The following PSPC1 variants were observed in gnomAD, a reference collection of about 807,000 sequenced individuals.
PSPC1 encodes the protein paraspeckle protein 1.
In PSPC1, 14 loss-of-function variants were observed where a neutral mutation model predicts 51.6. The observed-to-expected ratio is 0.27, with a 90% CI of 0.18 to 0.42. The LOEUF (loss-of-function observed/expected upper bound fraction) is 0.42. Ranked by LOEUF, PSPC1 falls within the 10% of genes least tolerant of loss-of-function variation. The pLI, the probability that PSPC1 is intolerant of heterozygous loss-of-function variation, is 1.00. For missense variants in PSPC1, 406 were observed against 701.1 expected (o/e 0.58, Z 4.75); for synonymous variants, 193 against 231.9 (o/e 0.83, Z 1.53).
chr13:19,776,326 T>TGTGGTG, intron 1 of PSPC1, among the ~76,000 whole-genome samples: 1 of 151,812 alleles, frequency 6.6e-6, no homozygotes, highest in East Asian at 1.9e-4. Flanking sequence ...ATTAGCTGGG[T>TGTGGTG]GTGGTGGTGT....
chr13:19,779,824 C>T (rs1889702898), intron 1 of PSPC1, among the ~76,000 whole-genome samples: 1 of 89,818 alleles, frequency 1.1e-5, no homozygotes, highest in Non-Finnish European at 2.4e-5. Flanking sequence ...GTGAGGAGCC[C>T]CTCTGCCCGG....
chr13:19,762,913 C>T (rs1887724796), intron 2 of PSPC1, among the ~76,000 whole-genome samples: 1 of 152,112 alleles, frequency 6.6e-6, no homozygotes, highest in African/African-American at 2.4e-5. Flanking sequence ...TGAGACCAGC[C>T]TGACCAACAT....
At chr13:19,697,240 TACAGACC>T (rs1879368875) in intron 6 of PSPC1, among the ~76,000 whole-genome samples, 1 of 152,212 alleles carries the variant, frequency 6.6e-6, no homozygotes, top group Admixed American at 6.5e-5. Flanking sequence ...ACCTGAGGCC[TACAGACC>T]ACTCTGGAAT....
At chr13:19,780,977 C>G (rs1003833216) in intron 1 of PSPC1, among the ~76,000 whole-genome samples, 1 of 151,690 alleles carries the variant, frequency 6.6e-6, no homozygotes. Context: ...GACAACATGG[C>G]GAAACACCGC....
chr13:19,680,049 CTG>C (rs1213189605), intron 6 of PSPC1, among the ~76,000 whole-genome samples: 2 of 152,152 alleles, frequency 1.3e-5, no homozygotes, highest in Admixed American at 6.5e-5. Flanking sequence ...GAGTCTCACT[CTG>C]TCACCCAGGC....
chr13:19,742,827 AACCAG>A (rs1027932055), intron 4 of PSPC1, among the ~76,000 whole-genome samples: 3 of 152,166 alleles, frequency 2.0e-5, no homozygotes, highest in South Asian at 2.1e-4. Flanking sequence ...AGCACTTAAG[AACCAG>A]ACCAAACAGG....
chr13:19,763,289 G>A (rs371056057), intron 2 of PSPC1, among the ~76,000 whole-genome samples: 10 of 152,202 alleles, frequency 6.6e-5, no homozygotes, highest in African/African-American at 2.4e-4. Flanking sequence ...CCAAAGTGCT[G>A]GGATTATAGG....
In PSPC1 at chr13:19,751,406, G is replaced by A. The variant is rs754682901; in HGVS notation, c.832C>T (p.Arg278Ter). The A allele has an allele frequency of 1.3e-6, 2 of 1,588,690 alleles. No homozygotes were observed. Among genetic ancestry groups the A allele is most frequent in the Non-Finnish European group, 8.5e-7 (1 of 1,170,862 alleles). The change falls in exon 4 of 9, where the codon CGA (arginine) becomes TGA (stop). Residue 278 changes from arginine (R) to a stop codon, truncating the protein, a stop_gained. Transcript: ENST00000338910. LOFTEE classifies it high-confidence loss of function. ...PGTFEFEYAS[R>*]WKALDEMEKQ... ...TCCATTTCATCAAGAGCCTTCCATCGAGATGCATACTCAAATTCAAATGTC... is the reference window on the plus strand; with the variant it reads ...TCCATTTCATCAAGAGCCTTCCATCAAGATGCATACTCAAATTCAAATGTC...
rs1880760861 is a variant in PSPC1, at chr13:19,706,991, C to A, written c.1217-1160G>T. 3.3e-5 allele frequency among the ~76,000 whole-genome samples: 5 copies of A among 152,192 alleles called. 1 individual carries two copies. In the South Asian group the frequency reaches 1.0e-3, roughly 32 times the overall value. ...GACTTTAACCAAGAATATTTCCGCT[C>A]CCTCAGTATAGCCCTAAATAGCTAT... On this transcript the variant is annotated intron_variant, in intron 7 of 8. Transcript: ENST00000338910.
chr13:19,749,716 G>A (rs549146446), intron 4 of PSPC1, among the ~76,000 whole-genome samples: 8 of 146,974 alleles, frequency 5.4e-5, no homozygotes, highest in African/African-American at 1.3e-4. Context: ...TCGGCTTACC[G>A]CAACCTCCAC....
At chr13:19,686,266 G>A (rs370626073) in intron 6 of PSPC1, among the ~76,000 whole-genome samples, 3 of 152,218 alleles carry the variant, frequency 2.0e-5, no homozygotes, top group East Asian at 3.9e-4. Flanking sequence ...AGCAATCTCC[G>A]TCCCAAGGGG....
At chr13:19,714,295 G>C (rs1881814266) in intron 6 of PSPC1, among the ~76,000 whole-genome samples, 1 of 152,148 alleles carries the variant, frequency 6.6e-6, no homozygotes, top group South Asian at 2.1e-4. Context: ...TTATTGGCTT[G>C]AGTATTTGGC....
At chr13:19,768,662 A>G (rs566691397) in intron 2 of PSPC1, among the ~76,000 whole-genome samples, 2 of 148,810 alleles carry the variant, frequency 1.3e-5, no homozygotes, top group South Asian at 4.2e-4. Context: ...AAAAGAAAAG[A>G]AAAAAAAATG....
At chr13:19,673,054 C>G, downstream of PSPC1, 1 of 394,682 alleles carries the variant, frequency 2.5e-6, no homozygotes, top group Non-Finnish European at 4.9e-6. Flanking sequence ...GACCTTGTCT[C>G]AAAAAAAAAA....
intron 3 of PSPC1, 58 bp downstream of exon 3, chr13:19,759,265 A>C: frequency 7.4e-7 from 1 of 1,344,998 alleles, no homozygotes; most frequent in Non-Finnish European, 1.1e-6. Flanking sequence ...ATTTGAAAAC[A>C]AATGTAATGA....
At chr13:19,692,421 CTTGT>C (rs1878680064) in intron 6 of PSPC1, among the ~76,000 whole-genome samples, 1 of 152,148 alleles carries the variant, frequency 6.6e-6, no homozygotes, top group African/African-American at 2.4e-5. Context: ...CCGGCCAAGT[CTTGT>C]TTTAGAATGA....
intron 6 of PSPC1, among the ~76,000 whole-genome samples, chr13:19,724,896 G>C (rs1883188279): frequency 6.6e-6 from 1 of 152,216 alleles, no homozygotes; most frequent in Non-Finnish European, 1.5e-5. Context: ...CTATTTGGGA[G>C]GCTGAGGCAG....
chr13:19,752,412 T>C (rs1381846520), intron 3 of PSPC1, among the ~76,000 whole-genome samples: 2 of 152,132 alleles, frequency 1.3e-5, no homozygotes, highest in East Asian at 3.8e-4. Flanking sequence ...TCTTCATTTT[T>C]TTCATATATA....
chr13:19,719,009 G>A (rs1287261406), intron 6 of PSPC1, among the ~76,000 whole-genome samples: 6 of 151,778 alleles, frequency 4.0e-5, no homozygotes, highest in Admixed American at 3.9e-4. Flanking sequence ...TTAAGGAGGT[G>A]AAAATACTCT....
Sources: gnomAD v4.1 joint callset for allele counts (sites outside exome capture counted in the v4.1 genomes callset) on GRCh38, gnomAD v4.1.1 for gene constraint, MANE v1.5 for transcripts, NCBI Gene and HGNC (gene_info 2026-07-23, HGNC 2026-07-21) for gene names.